The following CPA6 variants were observed in gnomAD, a reference collection of about 807,000 sequenced individuals.
CPA6 encodes the protein carboxypeptidase B.
CPA6 carries 58 observed loss-of-function variants against 63.3 expected under a neutral mutation model. That is an observed-to-expected ratio of 0.92 (90% CI 0.74 to 1.14). The LOEUF (loss-of-function observed/expected upper bound fraction) is 1.14. Among genes scored for constraint, CPA6 ranks in the 50% most tolerant of loss-of-function variants. The pLI, the probability that CPA6 is intolerant of heterozygous loss-of-function variation, is 0.00. For missense variants in CPA6, 565 were observed against 526.6 expected (o/e 1.07, Z -0.71); for synonymous variants, 185 against 179.0 (o/e 1.03, Z -0.27).
At chr8:67,716,647 T>C (rs1348175417) in intron 1 of CPA6, among the ~76,000 whole-genome samples, 1 of 152,246 alleles carries the variant, frequency 6.6e-6, no homozygotes, top group Non-Finnish European at 1.5e-5. Context: ...AGGAATTTCC[T>C]TGTAGGCAAA....
intron 2 of CPA6, among the ~76,000 whole-genome samples, chr8:67,568,418 A>G (rs1460361697): frequency 6.6e-6 from 1 of 152,216 alleles, no homozygotes; most frequent in East Asian, 1.9e-4. Flanking sequence ...ATTAAATGAA[A>G]TTCAGAAAAT....
intron 1 of CPA6, among the ~76,000 whole-genome samples, chr8:67,679,580 A>C (rs2128995695): frequency 6.6e-6 from 1 of 152,314 alleles, no homozygotes; most frequent in East Asian, 1.9e-4. Context: ...GATATTTGGG[A>C]TGCCAGAGTG....
chr8:67,534,353 C>G (rs1374314100), intron 2 of CPA6, among the ~76,000 whole-genome samples: 1 of 152,062 alleles, frequency 6.6e-6, no homozygotes, highest in Non-Finnish European at 1.5e-5. Context: ...GAGAAGGGAT[C>G]AAGGTGGCAG....
intron 10 of CPA6, among the ~76,000 whole-genome samples, chr8:67,423,027 A>T (rs1809802884): frequency 6.6e-6 from 1 of 152,152 alleles, no homozygotes; most frequent in Admixed American, 6.5e-5. Context: ...TTTTGTTTTT[A>T]GTTATCACTC....
chr8:67,477,065 T>A (rs1472093928), intron 8 of CPA6, among the ~76,000 whole-genome samples: 1 of 151,754 alleles, frequency 6.6e-6, no homozygotes, highest in Non-Finnish European at 1.5e-5. Flanking sequence ...CCGAGGCAGG[T>A]GGATCATGAG....
chr8:67,702,135 G>A (rs1321097745), intron 1 of CPA6, among the ~76,000 whole-genome samples: 1 of 152,136 alleles, frequency 6.6e-6, no homozygotes, highest in Non-Finnish European at 1.5e-5. Flanking sequence ...TTCCCAATAA[G>A]ATCTTAGGAC....
intron 1 of CPA6, among the ~76,000 whole-genome samples, chr8:67,733,498 C>T (rs1357088585): frequency 6.6e-6 from 1 of 152,174 alleles, no homozygotes; most frequent in East Asian, 1.9e-4. Context: ...CATCTCCTCT[C>T]CTGACACTCT....
At chr8:67,604,759 G>T (rs1311228248) in intron 2 of CPA6, among the ~76,000 whole-genome samples, 2 of 151,612 alleles carry the variant, frequency 1.3e-5, no homozygotes, top group African/African-American at 4.9e-5. Context: ...ATCTGTGGAG[G>T]TTCTATCAAC....
chr8:67,723,596 T>A (rs1817543820), intron 1 of CPA6, among the ~76,000 whole-genome samples: 1 of 152,232 alleles, frequency 6.6e-6, no homozygotes, highest in Non-Finnish European at 1.5e-5. Flanking sequence ...ATTTTCTATC[T>A]ATGGGAAAAA....
chr8:67,718,111 C>T (rs1817417854), intron 1 of CPA6, among the ~76,000 whole-genome samples: 1 of 152,078 alleles, frequency 6.6e-6, no homozygotes, highest in South Asian at 2.1e-4. Flanking sequence ...CTAAGCCAGC[C>T]TACCTTGGTT....
rs556902100 is a variant in CPA6 at position 67,731,265 on chromosome 8, A to C, written c.116+14749T>G. On this transcript the variant is annotated intron_variant, in intron 1 of 10. Coordinates refer to ENST00000297770, the MANE Select transcript of CPA6 (RefSeq NM_020361.5). ...AAAAACAAATTCTTTTTCACACACA[A>C]AAAAAGAGGCCAAGATAGTGGCAAG... Among the ~76,000 whole-genome samples, 6 of 152,328 alleles carry C rather than the reference A, an allele frequency of 3.9e-5. No individual in the cohort carries two copies. The South Asian group carries it at 6.2e-4, about 16-fold the overall frequency.
At chr8:67,581,854 C>T (rs1263324542) in intron 2 of CPA6, among the ~76,000 whole-genome samples, 3 of 152,034 alleles carry the variant, frequency 2.0e-5, no homozygotes, top group African/African-American at 7.2e-5. Flanking sequence ...CAGTATGTCT[C>T]CTAGTTTATT....
intron 2 of CPA6, among the ~76,000 whole-genome samples, chr8:67,614,949 A>C (rs979176597): frequency 6.6e-6 from 1 of 152,218 alleles, no homozygotes; most frequent in African/African-American, 2.4e-5. Context: ...CACCATGCTA[A>C]CTGCTTTCCC....
chr8:67,484,801 A>C lies in CPA6; in HGVS notation c.637-12T>G. On this transcript the variant is annotated splice_polypyrimidine_tract_variant and intron_variant, in intron 6 of 10. Transcript: ENST00000297770. ...TATGTTAGAAGAGCCTAAAAGACAA[A>C]GGTGAGATTTTTCTTTTAAATTGGT... 6.8e-7 allele frequency: 1 copy of C among 1,479,556 alleles called. No homozygotes were observed. The allele number at this position is 1,479,556 out of a possible 1,614,324, so 91.7% of individuals were successfully genotyped here.
At chr8:67,480,616 A>C (rs935717835) in intron 8 of CPA6, among the ~76,000 whole-genome samples, 6 of 151,048 alleles carry the variant, frequency 4.0e-5, no homozygotes, top group African/African-American at 7.4e-5. Context: ...ATTATGAATA[A>C]TACTACTATG....
intron 1 of CPA6, among the ~76,000 whole-genome samples, chr8:67,715,430 AAAAGG>A (rs1196715492): frequency 6.6e-5 from 10 of 152,252 alleles, no homozygotes; most frequent in African/African-American, 2.4e-4. Flanking sequence ...TGAAGTGAAT[AAAAGG>A]AAGATTGGCA....
rs373488094 is a variant in CPA6 at position 67,475,839 on chromosome 8, C to CT, written c.838+7928dup. 4.6e-3 allele frequency among the ~76,000 whole-genome samples: 288 copies of CT among 62,102 alleles called. 6 individuals carry two copies. Among genetic ancestry groups the CT allele is most frequent in the African/African-American group, 0.015 (187 of 12,106 alleles). The allele number at this position is 62,102 out of a possible 152,430, so 40.7% of individuals were successfully genotyped here. A position where few individuals can be genotyped will look rare whatever the true frequency, so the allele number is the denominator to read the frequency against. ...TTTCCTTTCTTTTCTTTCTTTCTTT[C>CT]TTTCTTTCTTTCTTTCTTTCTTTCT... On this transcript the variant is annotated intron_variant, in intron 8 of 10. Coordinates refer to ENST00000297770, the MANE Select transcript of CPA6 (RefSeq NM_020361.5).
intron 1 of CPA6, among the ~76,000 whole-genome samples, chr8:67,719,677 T>G (rs1282560298): frequency 6.6e-6 from 1 of 152,090 alleles, no homozygotes; most frequent in South Asian, 2.1e-4. Context: ...GTTACAGTCA[T>G]GCAGGCATAA....
At chr8:67,567,899 G>C (rs1412420935) in intron 2 of CPA6, among the ~76,000 whole-genome samples, 1 of 152,132 alleles carries the variant, frequency 6.6e-6, no homozygotes, top group Admixed American at 6.5e-5. Context: ...AGGAACATAG[G>C]GGAAAGAGTG....
Sources: gnomAD v4.1 joint callset for allele counts (sites outside exome capture counted in the v4.1 genomes callset) on GRCh38, gnomAD v4.1.1 for gene constraint, MANE v1.5 for transcripts, NCBI Gene and HGNC (gene_info 2026-07-23, HGNC 2026-07-21) for gene names.